PLPPR1: variants seen among roughly 807,000 people sequenced by gnomAD.
PLPPR1 encodes the protein phospholipid phosphatase related 1, also known as phospholipid phosphatase-related protein type 1.
PLPPR1 carries 10 observed loss-of-function variants against 33.1 expected under a neutral mutation model. The ratio of observed to expected loss-of-function variants is 0.30; its 90% confidence interval spans 0.19 to 0.51. The LOEUF is 0.51. Among genes scored for constraint, PLPPR1 ranks in the 20% least tolerant of loss-of-function variants. The probability of loss-of-function intolerance (pLI) is 0.97; values close to 1 mark genes in which losing one functional copy is unlikely to be tolerated. For synonymous variants in PLPPR1, 151 were observed against 151.0 expected (o/e 1.00, Z 0.00); for missense variants, 304 against 408.1 (o/e 0.74, Z 2.20).
intron 1 of PLPPR1, among the ~76,000 whole-genome samples, chr9:101,038,750 C>T (rs1481391337): frequency 1.3e-5 from 2 of 152,134 alleles, no homozygotes; most frequent in Non-Finnish European, 2.9e-5. Flanking sequence ...GAAATTCATG[C>T]CTTATGTAAC....
intron 1 of PLPPR1, among the ~76,000 whole-genome samples, chr9:101,075,421 T>C (rs888907544): frequency 4.6e-5 from 7 of 152,356 alleles, no homozygotes; most frequent in Admixed American, 2.0e-4. Flanking sequence ...ACCAGCTTTG[T>C]ACTAAATTAT....
intron 1 of PLPPR1, among the ~76,000 whole-genome samples, chr9:101,127,204 G>C (rs1409762618): frequency 6.6e-6 from 1 of 152,252 alleles, no homozygotes; most frequent in Non-Finnish European, 1.5e-5. Flanking sequence ...CTTTGACGAT[G>C]TGTCCTCTGC....
intron 5 of PLPPR1, among the ~76,000 whole-genome samples, chr9:101,309,704 C>G (rs1313776265): frequency 1.3e-5 from 2 of 152,154 alleles, no homozygotes; most frequent in African/African-American, 4.8e-5. Context: ...TAATTACATC[C>G]TCCCATTTAC....
At chr9:101,298,979 C>T (rs1828697550) in intron 4 of PLPPR1, among the ~76,000 whole-genome samples, 1 of 151,970 alleles carries the variant, frequency 6.6e-6, no homozygotes, top group Non-Finnish European at 1.5e-5. Context: ...AAACAGATGC[C>T]CAGGGAACCA....
chr9:101,081,463 G>A (rs561342201), intron 1 of PLPPR1, among the ~76,000 whole-genome samples: 80 of 152,228 alleles, frequency 5.3e-4, no homozygotes, highest in African/African-American at 1.6e-3. Context: ...AAAGTGCTGG[G>A]ATTACAGGCA....
At chr9:101,226,971 A>G (rs1827084057) in intron 2 of PLPPR1, among the ~76,000 whole-genome samples, 1 of 152,108 alleles carries the variant, frequency 6.6e-6, no homozygotes. Context: ...AAAGGTGATG[A>G]CCACATGGGG....
chr9:101,141,859 C>T lies in PLPPR1; in HGVS notation c.-45-43591C>T, dbSNP rs190392466. On this transcript the variant is annotated intron_variant, in intron 1 of 7. Coordinates refer to ENST00000374874, the MANE Select transcript of PLPPR1 (RefSeq NM_207299.2). ...AGTCCCTATATCCACCCAGTGATTC[C>T]CCACCCCAGATCAACCCCATTGTTG... Among the ~76,000 whole-genome samples the T allele has an allele frequency of 8.5e-5, 13 of 152,206 alleles. No individual in the cohort carries two copies. In the East Asian group the frequency reaches 2.3e-3, roughly 27 times the overall value.
chr9:101,156,213 C>T (rs951796451), intron 1 of PLPPR1, among the ~76,000 whole-genome samples: 11 of 151,916 alleles, frequency 7.2e-5, no homozygotes, highest in African/African-American at 2.4e-4. Flanking sequence ...CCATGGGTTC[C>T]GAGTTTGTTG....
chr9:101,183,424 T>C (rs1165200697), intron 1 of PLPPR1, among the ~76,000 whole-genome samples: 1 of 151,766 alleles, frequency 6.6e-6, no homozygotes, highest in Non-Finnish European at 1.5e-5. Flanking sequence ...TATTATATTA[T>C]TCTATTCATT....
intron 1 of PLPPR1, among the ~76,000 whole-genome samples, chr9:101,086,431 T>G (rs988728026): frequency 6.6e-5 from 10 of 152,090 alleles, no homozygotes; most frequent in African/African-American, 2.4e-4. Context: ...TGGACCTTTT[T>G]GCCCATTTTG....
chr9:101,125,698 G>T, intron 1 of PLPPR1: 1 of 625,376 alleles, frequency 1.6e-6, no homozygotes, highest in East Asian at 3.1e-5. Context: ...TAACATTACA[G>T]GCCCCATAAA....
chr9:101,215,665 A>G (rs1435105714), intron 2 of PLPPR1, among the ~76,000 whole-genome samples: 1 of 151,866 alleles, frequency 6.6e-6, no homozygotes, highest in African/African-American at 2.4e-5. Flanking sequence ...TCTGGTAACC[A>G]TCATTGTACT....
chr9:101,197,250 G>A (rs2118739946), intron 2 of PLPPR1, among the ~76,000 whole-genome samples: 1 of 152,258 alleles, frequency 6.6e-6, no homozygotes, highest in East Asian at 1.9e-4. Context: ...GCCATTGCTA[G>A]CGTTACTCAC....
chr9:101,050,924 C>T (rs1423967275), intron 1 of PLPPR1, among the ~76,000 whole-genome samples: 4 of 152,176 alleles, frequency 2.6e-5, no homozygotes, highest in African/African-American at 9.7e-5. Flanking sequence ...TACCCAGTCT[C>T]CTTAGCCTTC....
intron 2 of PLPPR1, among the ~76,000 whole-genome samples, chr9:101,194,192 T>C (rs1826352535): frequency 6.6e-6 from 1 of 152,208 alleles, no homozygotes; most frequent in Non-Finnish European, 1.5e-5. Flanking sequence ...GCATATTCTA[T>C]ATAATAAAAC....
chr9:101,233,581 C>T (rs537292805), intron 2 of PLPPR1, among the ~76,000 whole-genome samples: 1 of 152,020 alleles, frequency 6.6e-6, no homozygotes, highest in South Asian at 2.1e-4. Flanking sequence ...GAAGGCTCCA[C>T]CTTCATGGGT....
intron 4 of PLPPR1, among the ~76,000 whole-genome samples, chr9:101,292,011 C>G (rs112000091): frequency 6.6e-6 from 1 of 151,938 alleles, no homozygotes; most frequent in African/African-American, 2.4e-5. Flanking sequence ...GGAGGAAATT[C>G]AAATCAAAGG....
intron 2 of PLPPR1, among the ~76,000 whole-genome samples, chr9:101,193,079 C>G (rs924376125): frequency 9.9e-5 from 15 of 152,018 alleles, no homozygotes; most frequent in African/African-American, 3.6e-4. Context: ...AATTGAGGCT[C>G]TACAAGTAGA....
intron 1 of PLPPR1, among the ~76,000 whole-genome samples, chr9:101,072,661 G>A (rs1830494489): frequency 6.6e-6 from 1 of 152,152 alleles, no homozygotes; most frequent in African/African-American, 2.4e-5. Flanking sequence ...ATGGGATGTA[G>A]GGTAGGCAAA....
Sources: allele counts gnomAD v4.1 joint callset (sites outside exome capture counted in the v4.1 genomes callset), GRCh38; gene constraint gnomAD v4.1.1; transcripts MANE v1.5; gene names NCBI Gene and HGNC (gene_info 2026-07-23, HGNC 2026-07-21).